The following ARID2 variants were observed in gnomAD, a reference collection of about 807,000 sequenced individuals.
The protein encoded by ARID2 is AT-rich interaction domain 2, also known as AT-rich interactive domain-containing protein 2.
Under a neutral mutation model 184.6 loss-of-function variants are expected in ARID2, and 32 were observed. That is an observed-to-expected ratio of 0.17 (90% CI 0.13 to 0.23). The LOEUF (loss-of-function observed/expected upper bound fraction) is 0.23, where lower values mean the gene tolerates loss of function less well. Ranked by LOEUF, ARID2 falls within the 10% of genes least tolerant of loss-of-function variation. The pLI is 1.00. For missense variants in ARID2, 1,696 were observed against 2,197.6 expected (o/e 0.77, Z 4.56); for synonymous variants, 836 against 772.6 (o/e 1.08, Z -1.36).
chr12:45,896,498 G>A (rs1435035050), intron 20 of ARID2, among the ~76,000 whole-genome samples: 2 of 152,154 alleles, frequency 1.3e-5, no homozygotes, highest in African/African-American at 4.8e-5. Context: ...CACGAGATCC[G>A]ATGGTTTTAA....
chr12:45,783,876 T>A (rs1436350091), intron 3 of ARID2, among the ~76,000 whole-genome samples: 1 of 116,478 alleles, frequency 8.6e-6, no homozygotes, highest in Non-Finnish European at 2.0e-5. Flanking sequence ...GAGAAAATTA[T>A]CACTACTTTT....
intron 3 of ARID2, among the ~76,000 whole-genome samples, chr12:45,733,987 A>C (rs987056891): frequency 2.7e-4 from 41 of 152,250 alleles, no homozygotes; most frequent in Non-Finnish European, 5.1e-4. Flanking sequence ...CACCTACTCC[A>C]GAAATATATA....
intron 16 of ARID2, among the ~76,000 whole-genome samples, chr12:45,868,995 C>T (rs1943874103): frequency 6.7e-6 from 1 of 149,890 alleles, no homozygotes; most frequent in South Asian, 2.1e-4. Flanking sequence ...CCAAGAAAGG[C>T]ATGTTGGGAT....
chr12:45,859,952 G>A (rs1387803104), intron 15 of ARID2, among the ~76,000 whole-genome samples: 2 of 152,152 alleles, frequency 1.3e-5, no homozygotes, highest in African/African-American at 4.8e-5. Context: ...GGTTGGTCTC[G>A]AACTCCTGAC....
At chr12:45,854,492 C>T (rs1943609647) in intron 15 of ARID2, among the ~76,000 whole-genome samples, 1 of 152,166 alleles carries the variant, frequency 6.6e-6, no homozygotes, top group South Asian at 2.1e-4. Flanking sequence ...CAAGCTTCCA[C>T]ATGTTGAGCT....
chr12:45,807,744 C>T (rs192059637), intron 3 of ARID2, among the ~76,000 whole-genome samples: 3 of 152,172 alleles, frequency 2.0e-5, no homozygotes, highest in African/African-American at 7.2e-5. Flanking sequence ...GATACATGAT[C>T]AGTTTTAAAA....
intron 16 of ARID2, among the ~76,000 whole-genome samples, chr12:45,863,586 C>G (rs1943784186): frequency 6.6e-6 from 1 of 151,486 alleles, no homozygotes; most frequent in Non-Finnish European, 1.5e-5. Context: ...GACACTGTCT[C>G]TTTTTAAAAA....
At chr12:45,823,974 A>C (rs1374636749) in intron 6 of ARID2, among the ~76,000 whole-genome samples, 1 of 152,178 alleles carries the variant, frequency 6.6e-6, no homozygotes, top group Non-Finnish European at 1.5e-5. Flanking sequence ...AGGCAAGTAC[A>C]CAACAGAAAA....
chr12:45,889,781 T>C (rs368890705), intron 16 of ARID2, among the ~76,000 whole-genome samples: 1 of 152,108 alleles, frequency 6.6e-6, no homozygotes, highest in East Asian at 1.9e-4. Flanking sequence ...TGCCTAAAAA[T>C]ACAAAAATTA....
At chr12:45,815,102 A>G (rs545403540) in intron 4 of ARID2, among the ~76,000 whole-genome samples, 1 of 152,376 alleles carries the variant, frequency 6.6e-6, no homozygotes, top group East Asian at 1.9e-4. Context: ...TTCTAAGATC[A>G]TATTGAAAAC....
chr12:45,864,941 A>G (rs1455209750), intron 16 of ARID2, among the ~76,000 whole-genome samples: 2 of 152,160 alleles, frequency 1.3e-5, no homozygotes, highest in African/African-American at 4.8e-5. Context: ...AAAAGTTACC[A>G]TGAGGTTTGG....
chr12:45,860,873 A>G lies in ARID2; in HGVS notation c.4846A>G (p.Ser1616Gly), dbSNP rs1943733286. 3.1e-6 allele frequency: 5 copies of G among 1,606,972 alleles called. No individual in the cohort carries two copies. The highest frequency in any genetic ancestry group is 2.2e-5 in the East Asian group (1 of 44,458). The change falls in exon 16 of 21, where the codon AGT (serine) becomes GGT (glycine). Residue 1616 changes from serine (S) to glycine (G), a missense_variant. By Grantham distance (56) the Ser-to-Gly change is moderately conservative. This residue lies in a region of ARID2 where 111 missense variants were observed against 154.0 expected (regional missense o/e 0.72). Transcript: ENST00000334344. Reference protein sequence around the residue: ...QPNSSQPSPFSGSSQPGDPMR... With the variant: ...QPNSSQPSPFGGSSQPGDPMR... Reference sequence around the variant, plus strand: ...TAACAGTTCTCAGCCTTCTCCATTCAGTGGATCCAGTCAGCCTGGAGATCC... The same window carrying G: ...TAACAGTTCTCAGCCTTCTCCATTCGGTGGATCCAGTCAGCCTGGAGATCC...
intron 10 of ARID2, among the ~76,000 whole-genome samples, chr12:45,838,892 A>C (rs1943274538): frequency 2.0e-5 from 3 of 150,036 alleles, no homozygotes; most frequent in Admixed American, 1.3e-4. Flanking sequence ...TTGAGACAGA[A>C]TCTCACTCTG....
intron 3 of ARID2, among the ~76,000 whole-genome samples, chr12:45,748,190 A>G (rs991916389): frequency 1.3e-5 from 2 of 152,092 alleles, no homozygotes; most frequent in Non-Finnish European, 2.9e-5. Context: ...CAAGCTGCCT[A>G]GTGAGTTTGA....
At chr12:45,865,335 T>A (rs187534345) in intron 16 of ARID2, among the ~76,000 whole-genome samples, 25 of 152,272 alleles carry the variant, frequency 1.6e-4, no homozygotes, top group Admixed American at 5.9e-4. Context: ...AAAAAAATGT[T>A]GTCTGCTGTG....
chr12:45,846,061 A>C (rs1243055370), intron 11 of ARID2: 1 of 152,210 alleles, frequency 6.6e-6, no homozygotes, highest in Non-Finnish European at 1.5e-5. Context: ...TCAACATGTT[A>C]GAAAATAATA....
chr12:45,797,565 G>A lies in ARID2; in HGVS notation c.285-13853G>A, dbSNP rs557544828. 1.3e-3 allele frequency among the ~76,000 whole-genome samples: 194 copies of A among 152,188 alleles called. 2 individuals carry two copies. In the Middle Eastern group the frequency reaches 0.027, roughly 21 times the overall value. On this transcript the variant is annotated intron_variant, in intron 3 of 20. Transcript: ENST00000334344. ...AAATTTTAATGAGATAAATATCTTA[G>A]TCTTTCTTGGAGATAATGATTTCTC...
At chr12:45,834,462 G>A (rs1943178075) in intron 6 of ARID2, among the ~76,000 whole-genome samples, 1 of 152,210 alleles carries the variant, frequency 6.6e-6, no homozygotes, top group Non-Finnish European at 1.5e-5. Context: ...GCTGGGTACA[G>A]TGGCTCACGC....
intron 16 of ARID2, among the ~76,000 whole-genome samples, chr12:45,870,127 A>C (rs940823588): frequency 6.6e-5 from 10 of 151,562 alleles, no homozygotes; most frequent in African/African-American, 2.4e-4. Context: ...CTGGGACTAC[A>C]GGCGCCCGCC....
Sources: gnomAD v4.1 joint callset for allele counts (sites outside exome capture counted in the v4.1 genomes callset) on GRCh38, gnomAD v4.1.1 for gene constraint, gnomAD v4.1.1 regional missense constraint, MANE v1.5 for transcripts, NCBI Gene and HGNC (gene_info 2026-07-23, HGNC 2026-07-21) for gene names.